The following ZNF827 variants were observed in gnomAD, a reference collection of about 807,000 sequenced individuals.
ZNF827 encodes zinc finger protein 827.
In ZNF827, 13 loss-of-function variants were observed where a neutral mutation model predicts 102.4. The ratio of observed to expected loss-of-function variants is 0.13; its 90% CI spans 0.08 to 0.20. The LOEUF (loss-of-function observed/expected upper bound fraction) is 0.20, where lower values mean the gene tolerates loss of function less well. Among genes scored for constraint, ZNF827 ranks in the 10% least tolerant of loss-of-function variants. The probability of loss-of-function intolerance (pLI) is 1.00; values close to 1 mark genes in which losing one functional copy is unlikely to be tolerated. For synonymous variants in ZNF827, 523 were observed against 536.2 expected, an observed-to-expected ratio of 0.98 and a Z score of 0.34; for missense variants, 1,103 against 1,344.4, an observed-to-expected ratio of 0.82 and a Z score of 2.81.
intron 10 of ZNF827, 111 bp downstream of exon 10, chr4:145,775,678 G>T: frequency 7.6e-7 from 1 of 1,323,224 alleles, no homozygotes; most frequent in Non-Finnish European, 1.1e-6. Context: ...TGAAGGCCAG[G>T]CTATGACTGA....
intron 1 of ZNF827, among the ~76,000 whole-genome samples, chr4:145,921,057 A>G (rs560914328): frequency 2.1e-4 from 32 of 152,340 alleles, no homozygotes; most frequent in Non-Finnish European, 1.5e-5. Flanking sequence ...TCTACCCAGC[A>G]TGTGGGACAA....
intron 11 of ZNF827, among the ~76,000 whole-genome samples, chr4:145,772,825 A>G (rs1736484788): frequency 6.6e-6 from 1 of 152,254 alleles, no homozygotes; most frequent in African/African-American, 2.4e-5. Context: ...TTCCTGCTAG[A>G]CAATGAGCCC....
intron 11 of ZNF827, among the ~76,000 whole-genome samples, chr4:145,768,915 ATT>A: frequency 1.6e-5 from 1 of 60,784 alleles, no homozygotes; most frequent in African/African-American, 5.5e-5. Flanking sequence ...ATATATATAT[ATT>A]AGGTATACAA....
intron 1 of ZNF827, among the ~76,000 whole-genome samples, chr4:145,932,329 T>C (rs1248898340): frequency 6.6e-6 from 1 of 152,208 alleles, no homozygotes; most frequent in East Asian, 1.9e-4. Flanking sequence ...TTTTTCTCTT[T>C]TGTGAAACTA....
intron 8 of ZNF827, among the ~76,000 whole-genome samples, chr4:145,798,195 T>TGGTTTGCA (rs1740554043): frequency 6.6e-6 from 1 of 152,202 alleles, no homozygotes; most frequent in Non-Finnish European, 1.5e-5. Flanking sequence ...TTTCAAGCAA[T>TGGTTTGCA]ATATATGGTT....
chr4:145,867,053 TG>T (rs2126741568), intron 5 of ZNF827, among the ~76,000 whole-genome samples: 1 of 152,356 alleles, frequency 6.6e-6, no homozygotes, highest in East Asian at 1.9e-4. Flanking sequence ...TGAAGACTTC[TG>T]GGAATTATCT....
chr4:145,772,489 C>T (rs1334834466), intron 11 of ZNF827, among the ~76,000 whole-genome samples: 2 of 152,166 alleles, frequency 1.3e-5, no homozygotes, highest in Non-Finnish European at 2.9e-5. Context: ...CAGCAAACTA[C>T]AGTCCTTGGG....
At chr4:145,929,223 T>C (rs1385482924) in intron 1 of ZNF827, among the ~76,000 whole-genome samples, 2 of 152,232 alleles carry the variant, frequency 1.3e-5, no homozygotes, top group Non-Finnish European at 2.9e-5. Context: ...TCTCTGTGAT[T>C]AGAAACAGCA....
intron 8 of ZNF827, among the ~76,000 whole-genome samples, chr4:145,790,476 C>T (rs575775516): frequency 1.5e-4 from 23 of 152,278 alleles, no homozygotes; most frequent in African/African-American, 4.6e-4. Flanking sequence ...TAATTTACTC[C>T]TGAAATGTTG....
At chr4:145,907,818 T>G (rs1201561380) in intron 1 of ZNF827, among the ~76,000 whole-genome samples, 3 of 152,246 alleles carry the variant, frequency 2.0e-5, no homozygotes, top group African/African-American at 7.2e-5. Flanking sequence ...CAGTCTGTTT[T>G]TGTGTGTGTT....
At chr4:145,864,555 T>C (rs1748013402) in intron 5 of ZNF827, among the ~76,000 whole-genome samples, 1 of 151,686 alleles carries the variant, frequency 6.6e-6, no homozygotes, top group African/African-American at 2.4e-5. Flanking sequence ...GATCACACCA[T>C]TGCACTCCAG....
At chr4:145,918,297 C>G (rs996792151) in intron 1 of ZNF827, among the ~76,000 whole-genome samples, 1 of 110,970 alleles carries the variant, frequency 9.0e-6, no homozygotes, top group Non-Finnish European at 1.8e-5. Context: ...TTTAAAGAAC[C>G]CTTTAAAAAC....
chr4:145,809,214 T>C (rs1451212881), intron 8 of ZNF827, among the ~76,000 whole-genome samples: 1 of 152,226 alleles, frequency 6.6e-6, no homozygotes. Flanking sequence ...AGTATGAGAA[T>C]AGTATGAAAA....
chr4:145,766,556 T>C (rs1285721799), intron 11 of ZNF827, among the ~76,000 whole-genome samples: 3 of 152,054 alleles, frequency 2.0e-5, no homozygotes, highest in Non-Finnish European at 4.4e-5. Flanking sequence ...GAGTGGCGGA[T>C]ACAGAGCTGA....
intron 7 of ZNF827, among the ~76,000 whole-genome samples, chr4:145,838,616 T>C (rs745931974): frequency 6.6e-6 from 1 of 152,146 alleles, no homozygotes; most frequent in Non-Finnish European, 1.5e-5. Context: ...ACCTGAATAC[T>C]ATGCAAACAT....
chr4:145,886,533 A>T (rs370042672), intron 3 of ZNF827, among the ~76,000 whole-genome samples: 130 of 152,350 alleles, frequency 8.5e-4, no homozygotes, highest in Middle Eastern at 3.4e-3. Flanking sequence ...GTAACCTGTC[A>T]AGTAATTCCT....
At chr4:145,925,652 C>T (rs919287093) in intron 1 of ZNF827, among the ~76,000 whole-genome samples, 3 of 152,152 alleles carry the variant, frequency 2.0e-5, no homozygotes, top group African/African-American at 4.8e-5. Flanking sequence ...GACACCAAGT[C>T]GCCACACACC....
chr4:145,770,256 G>T (rs751477584), intron 11 of ZNF827, among the ~76,000 whole-genome samples: 8 of 151,792 alleles, frequency 5.3e-5, no homozygotes, highest in Non-Finnish European at 1.0e-4. Flanking sequence ...CCAAGATCAC[G>T]CCACTTCACT....
In ZNF827 at chr4:145,938,443, T is replaced by C; in HGVS notation, c.-36A>G. 2 of 1,470,490 alleles carry C rather than the reference T, an allele frequency of 1.4e-6. No homozygotes were observed. Among genetic ancestry groups the C allele is most frequent in the Non-Finnish European group, 1.8e-6 (2 of 1,095,548 alleles). 91.1% of individuals were successfully genotyped at this position (1,470,490 alleles called of 1,614,324 possible). On this transcript the variant is annotated 5_prime_UTR_variant, in exon 1 of 15. Coordinates refer to ENST00000508784, the MANE Select transcript of ZNF827 (RefSeq NM_001306215.2). The stretch of plus-strand genomic sequence containing the variant: ...TTCTCACATTCTCCTCCTTGGTTAA[T>C]GTGAGATCAAATAAACCCCCGTGGG...
Sources: gnomAD v4.1 joint callset for allele counts (sites outside exome capture counted in the v4.1 genomes callset) on GRCh38, gnomAD v4.1.1 for gene constraint, MANE v1.5 for transcripts, NCBI Gene and HGNC (gene_info 2026-07-23, HGNC 2026-07-21) for gene names.